N4BP2: variants seen among roughly 807,000 people sequenced by gnomAD.
The protein encoded by N4BP2 is NEDD4-binding protein 2.
N4BP2 carries 91 observed loss-of-function variants against 152.8 expected under a neutral mutation model. The ratio of observed to expected loss-of-function variants is 0.60; its 90% CI spans 0.50 to 0.71. N4BP2 has a LOEUF of 0.71. Ranked by LOEUF, N4BP2 falls within the 30% of genes least tolerant of loss-of-function variation. N4BP2 has a pLI of 0.00. For synonymous variants in N4BP2, 646 were observed against 705.3 expected (o/e 0.92, Z 1.33); for missense variants, 1,923 against 2,059.1 (o/e 0.93, Z 1.28).
chr4:40,108,764 T>C (rs1184783236), intron 5 of N4BP2, among the ~76,000 whole-genome samples: 1 of 152,144 alleles, frequency 6.6e-6, no homozygotes, highest in Non-Finnish European at 1.5e-5. Context: ...TTTATTTGCA[T>C]AGTTTGAATT....
chr4:40,111,370 G>C (rs945161877), intron 5 of N4BP2, among the ~76,000 whole-genome samples: 1 of 152,130 alleles, frequency 6.6e-6, no homozygotes, highest in African/African-American at 2.4e-5. Context: ...ACCCAGGCTG[G>C]AGTACAATGG....
At chr4:40,057,580 G>C (rs916319712) in intron 1 of N4BP2, among the ~76,000 whole-genome samples, 1 of 152,158 alleles carries the variant, frequency 6.6e-6, no homozygotes, top group South Asian at 2.1e-4. Context: ...CCCCTCCCCG[G>C]CATTTGTGTG....
At chr4:40,070,218 A>G (rs978935741) in intron 1 of N4BP2, among the ~76,000 whole-genome samples, 8 of 152,160 alleles carry the variant, frequency 5.3e-5, no homozygotes, top group African/African-American at 1.9e-4. Context: ...AGAGGGGCAA[A>G]TAAGTTTTTT....
chr4:40,164,540 T>C, the N4BP2 span, among the ~76,000 whole-genome samples: 1 of 152,200 alleles, frequency 6.6e-6, no homozygotes, highest in Admixed American at 6.6e-5. Context: ...TTTATTTGCG[T>C]GGTCTCCATT....
Position 40,102,536 on chromosome 4 carries a change from A to G in N4BP2, c.691A>G (p.Asn231Asp). Residue 231 changes from asparagine to aspartate, a missense_variant, in exon 4 of 18, where the codon AAC becomes GAC. Asn to Asp is a conservative substitution (Grantham distance 23). Coordinates refer to ENST00000261435, the MANE Select transcript of N4BP2 (RefSeq NM_018177.6). Reference sequence around the variant, plus strand: ...CGAGTCCAAGTGTTTTATAAAGGATAACACATTGGCTTTGGAAAGTAACTA... The same window carrying G: ...CGAGTCCAAGTGTTTTATAAAGGATGACACATTGGCTTTGGAAAGTAACTA... ...LNESKCFIKD[N>D]TLALESNYPE... The G allele has an allele frequency of 6.2e-7, 1 of 1,614,230 alleles. No individual in the cohort carries two copies. Among genetic ancestry groups the G allele is most frequent in the Non-Finnish European group, 8.5e-7 (1 of 1,180,034 alleles).
chr4:40,162,750 A>G (rs1007817485), downstream of N4BP2, among the ~76,000 whole-genome samples: 4 of 152,156 alleles, frequency 2.6e-5, no homozygotes, highest in African/African-American at 9.7e-5. Flanking sequence ...AATAGGAGAT[A>G]GATAGGGGAT....
the N4BP2 span, among the ~76,000 whole-genome samples, chr4:40,181,580 C>G: frequency 6.6e-6 from 1 of 152,188 alleles, no homozygotes; most frequent in African/African-American, 2.4e-5. Flanking sequence ...TCTTGTTCCT[C>G]CGAGCTCAAC....
the N4BP2 span, among the ~76,000 whole-genome samples, chr4:40,177,998 AC>A: frequency 2.0e-5 from 3 of 152,166 alleles, no homozygotes; most frequent in Non-Finnish European, 4.4e-5. Context: ...CCAGAAAAAA[AC>A]AAAAACAAAA....
intron 16 of N4BP2, among the ~76,000 whole-genome samples, chr4:40,148,719 G>T (rs1720858358): frequency 6.6e-6 from 1 of 151,938 alleles, no homozygotes; most frequent in Non-Finnish European, 1.5e-5. Flanking sequence ...CGAACTTCTG[G>T]GCTCAAGTGA....
At chr4:40,148,919 ACTCT>A (rs1442778357) in intron 16 of N4BP2, among the ~76,000 whole-genome samples, 3 of 152,138 alleles carry the variant, frequency 2.0e-5, no homozygotes, top group Middle Eastern at 3.4e-3. Flanking sequence ...ACAGAGTGAG[ACTCT>A]CTAAGAAAAA....
intron 1 of N4BP2, among the ~76,000 whole-genome samples, chr4:40,057,945 C>G (rs1733352124): frequency 6.6e-6 from 1 of 152,102 alleles, no homozygotes; most frequent in Non-Finnish European, 1.5e-5. Flanking sequence ...GTTGTAATGT[C>G]TCCATGGCAC....
chr4:40,153,422 A>G (rs1721313699), intron 17 of N4BP2, among the ~76,000 whole-genome samples: 2 of 152,210 alleles, frequency 1.3e-5, no homozygotes, highest in African/African-American at 4.8e-5. Context: ...TTCAGTTAAT[A>G]TGAATTTATT....
intron 14 of N4BP2, among the ~76,000 whole-genome samples, chr4:40,141,787 G>T (rs922009771): frequency 2.0e-5 from 3 of 152,230 alleles, no homozygotes; most frequent in Admixed American, 2.0e-4. Context: ...CTGCACTCCA[G>T]CCTGGGCAAC....
At chr4:40,147,589 A>AC (rs1197718104) in intron 16 of N4BP2, among the ~76,000 whole-genome samples, 14 of 122,626 alleles carry the variant, frequency 1.1e-4, no homozygotes, top group East Asian at 7.8e-4. Flanking sequence ...GTGGGGGCTG[A>AC]CCCCCCCACC....
intron 7 of N4BP2, among the ~76,000 whole-genome samples, chr4:40,114,492 G>C (rs901091610): frequency 6.6e-6 from 1 of 152,182 alleles, no homozygotes; most frequent in Non-Finnish European, 1.5e-5. Context: ...GGCTGTTTGT[G>C]TCTGGCATCT....
the N4BP2 span, among the ~76,000 whole-genome samples, chr4:40,171,085 T>A: frequency 6.6e-6 from 1 of 152,182 alleles, no homozygotes; most frequent in East Asian, 1.9e-4. Context: ...ATTGTATCAG[T>A]TATATTGGAG....
intron 2 of N4BP2, among the ~76,000 whole-genome samples, chr4:40,082,110 C>CA (rs1713433537): frequency 1.3e-5 from 2 of 150,916 alleles, no homozygotes; most frequent in South Asian, 2.1e-4. Context: ...AACTCCATCT[C>CA]AAAAAAAATA....
At chr4:40,103,997 C>G (rs919132801) in intron 4 of N4BP2, among the ~76,000 whole-genome samples, 3 of 152,054 alleles carry the variant, frequency 2.0e-5, no homozygotes, top group African/African-American at 7.2e-5. Flanking sequence ...CTCTGTTGCC[C>G]AGGCTGGAGT....
chr4:40,078,113 A>ATG (rs71194969), intron 2 of N4BP2: 35,075 of 142,494 alleles, frequency 0.25, 4,252 homozygotes, highest in Admixed American at 0.29. Flanking sequence ...ATATTTCTAA[A>ATG]TGTGTGTGTG....
Sources: gnomAD v4.1 joint callset for allele counts (sites outside exome capture counted in the v4.1 genomes callset) on GRCh38, gnomAD v4.1.1 for gene constraint, MANE v1.5 for transcripts, NCBI Gene and HGNC (gene_info 2026-07-23, HGNC 2026-07-21) for gene names.